Variants in BMAL1 observed in about 807,000 individuals in gnomAD.
BMAL1 encodes basic helix-loop-helix ARNT like 1.
At chr11:13,322,069 G>A in the BMAL1 span, among the ~76,000 whole-genome samples, 1 of 152,330 alleles carries the variant, frequency 6.6e-6, no homozygotes, top group South Asian at 2.1e-4. Context: ...GCAGGCCTGA[G>A]TGAGCATCCT....
the BMAL1 span, among the ~76,000 whole-genome samples, chr11:13,286,917 T>C: frequency 6.6e-6 from 1 of 151,952 alleles, no homozygotes; most frequent in East Asian, 1.9e-4. Flanking sequence ...GCTGAAAGAG[T>C]GTGGGATCAA....
the BMAL1 span, chr11:13,378,195 G>A: frequency 8.4e-7 from 1 of 1,192,598 alleles, no homozygotes; most frequent in South Asian, 1.9e-5. Context: ...TTCCTGACAA[G>A]CTGTAGCCCT....
At chr11:13,349,032 C>T in the BMAL1 span, among the ~76,000 whole-genome samples, 6 of 152,166 alleles carry the variant, frequency 3.9e-5, no homozygotes, top group Non-Finnish European at 2.9e-5. Context: ...TTCTTCCTTT[C>T]AGAGCCAGTT....
chr11:13,296,715 A>G, the BMAL1 span, among the ~76,000 whole-genome samples: 3 of 152,176 alleles, frequency 2.0e-5, no homozygotes, highest in South Asian at 4.1e-4. Flanking sequence ...TCTCTGGCTT[A>G]AATTTGTGAA....
the BMAL1 span, among the ~76,000 whole-genome samples, chr11:13,386,443 T>C: frequency 6.6e-6 from 1 of 152,176 alleles, no homozygotes; most frequent in Non-Finnish European, 1.5e-5. Flanking sequence ...AAAACAGCGA[T>C]ATAAAAAAAG....
the BMAL1 span, among the ~76,000 whole-genome samples, chr11:13,326,889 G>A: frequency 6.3e-4 from 95 of 151,728 alleles, no homozygotes; most frequent in African/African-American, 2.1e-3. Flanking sequence ...GTGCGATCTC[G>A]GCTCACTGCA....
the BMAL1 span, among the ~76,000 whole-genome samples, chr11:13,305,904 G>T: frequency 6.6e-6 from 1 of 152,122 alleles, no homozygotes; most frequent in African/African-American, 2.4e-5. Context: ...GTGCTCCTTG[G>T]CATTTCTGAG....
the BMAL1 span, among the ~76,000 whole-genome samples, chr11:13,358,106 C>G: frequency 2.6e-5 from 4 of 152,142 alleles, no homozygotes; most frequent in African/African-American, 9.7e-5. Context: ...TTCCTTTCAC[C>G]CCCATTTCAA....
chr11:13,292,757 C>T, the BMAL1 span, among the ~76,000 whole-genome samples: 3 of 151,924 alleles, frequency 2.0e-5, no homozygotes, highest in Non-Finnish European at 4.4e-5. Context: ...AGATAGTGGT[C>T]CAGGCCTAGT....
At chr11:13,292,555 A>AT in the BMAL1 span, among the ~76,000 whole-genome samples, 96,046 of 151,300 alleles carry the variant, frequency 0.63, 31,153 homozygotes, top group Non-Finnish European at 0.71. Context: ...TCAAAAAAAA[A>AT]AAAATAAAAT....
the BMAL1 span, among the ~76,000 whole-genome samples, chr11:13,324,267 C>A: frequency 1.3e-5 from 2 of 152,212 alleles, no homozygotes; most frequent in Admixed American, 6.5e-5. Context: ...GGCTTTCTGG[C>A]ATCTTTGGAA....
At chr11:13,357,975 C>A in the BMAL1 span, among the ~76,000 whole-genome samples, 1 of 152,206 alleles carries the variant, frequency 6.6e-6, no homozygotes, top group Non-Finnish European at 1.5e-5. This position sits in a 1 kb window ranked among gnomAD's most constrained non-coding sequence, Gnocchi z 4.8. Context: ...GAGGCTGTGA[C>A]TGGAAAGAAT....
chr11:13,383,477 A>G, the BMAL1 span, among the ~76,000 whole-genome samples: 2 of 152,202 alleles, frequency 1.3e-5, no homozygotes, highest in East Asian at 3.9e-4. Context: ...GTGGCACCAA[A>G]CTATACTAGT....
chr11:13,372,507 A>AGAAT, the BMAL1 span: 1 of 1,526,722 alleles, frequency 6.5e-7, no homozygotes, highest in Admixed American at 2.1e-5. Flanking sequence ...GGCTTTTCTA[A>AGAAT]GAATGAAGAA....
chr11:13,329,368 T>C, the BMAL1 span, among the ~76,000 whole-genome samples: 1 of 152,182 alleles, frequency 6.6e-6, no homozygotes, highest in South Asian at 2.1e-4. Flanking sequence ...AGTTCTCTTG[T>C]TCATTAATGG....
the BMAL1 span, among the ~76,000 whole-genome samples, chr11:13,366,353 G>T: frequency 2.0e-5 from 3 of 152,166 alleles, no homozygotes; most frequent in African/African-American, 7.2e-5. Flanking sequence ...AGCAGAGCTG[G>T]AATCAGAGCC....
the BMAL1 span, among the ~76,000 whole-genome samples, chr11:13,322,276 C>T: frequency 6.6e-6 from 1 of 152,160 alleles, no homozygotes; most frequent in East Asian, 1.9e-4. Flanking sequence ...GGTGTTTCTG[C>T]AGTTGAAACC....
At chr11:13,358,387 T>C in the BMAL1 span, 1 of 1,461,730 alleles carries the variant, frequency 6.8e-7, no homozygotes, top group Non-Finnish European at 9.1e-7. Flanking sequence ...CTTTTCTTGA[T>C]GCTTGGTTAC....
At chr11:13,364,791 A>AG in the BMAL1 span, among the ~76,000 whole-genome samples, 1 of 152,136 alleles carries the variant, frequency 6.6e-6, no homozygotes, top group Admixed American at 6.5e-5. Context: ...TTTAAACTGA[A>AG]GAAGGGGTAA....
Sources: gnomAD v4.1 joint callset for allele counts (sites outside exome capture counted in the v4.1 genomes callset) on GRCh38, gnomAD v4.1.1 for gene constraint, Gnocchi (gnomAD v3.1) non-coding constraint, MANE v1.5 for transcripts, NCBI Gene and HGNC (gene_info 2026-07-23, HGNC 2026-07-21) for gene names.